Variants in UBE3C observed in about 807,000 individuals in gnomAD.
The protein encoded by UBE3C is ubiquitin-protein ligase E3C.
UBE3C carries 42 observed loss-of-function variants against 129.4 expected under a neutral mutation model. The observed-to-expected ratio is 0.32, with a 90% CI of 0.25 to 0.42. The LOEUF (loss-of-function observed/expected upper bound fraction) is 0.42. Among genes scored for constraint, UBE3C ranks in the 10% least tolerant of loss-of-function variants. The pLI, the probability that UBE3C is intolerant of heterozygous loss-of-function variation, is 1.00. For synonymous variants in UBE3C, 510 were observed against 492.4 expected, an observed-to-expected ratio of 1.04 and a Z score of -0.47; for missense variants, 1,049 against 1,319.1, an observed-to-expected ratio of 0.80 and a Z score of 3.17.
intron 19 of UBE3C, among the ~76,000 whole-genome samples, chr7:157,251,133 G>A (rs1796611619): frequency 1.3e-5 from 2 of 152,306 alleles, no homozygotes; most frequent in Admixed American, 6.5e-5. Flanking sequence ...AATTTAGAGG[G>A]AGATCTTAAG....
intron 18 of UBE3C, among the ~76,000 whole-genome samples, chr7:157,241,957 A>G (rs575915022): frequency 5.1e-4 from 78 of 152,326 alleles, no homozygotes; most frequent in African/African-American, 1.9e-3. Flanking sequence ...AAAACAGGAA[A>G]ATCTAGAGAC....
At position 157,186,820 on chromosome 7, in the gene UBE3C, C is replaced by G; in HGVS notation, c.1144-14C>G. 6.2e-7 allele frequency: 1 copy of G among 1,612,684 alleles called. No homozygotes were observed. The highest frequency in any genetic ancestry group is 1.1e-5 in the South Asian group (1 of 90,966). ...AGCACATTTATGGAGACTGGTTGTT[C>G]TGGTATGTTCTAGGAGGATGGCAGA... On this transcript the variant is annotated splice_polypyrimidine_tract_variant and intron_variant, in intron 9 of 22. Coordinates refer to ENST00000348165, the MANE Select transcript of UBE3C (RefSeq NM_014671.3).
At chr7:157,206,148 C>G (rs971249342) in intron 11 of UBE3C, among the ~76,000 whole-genome samples, 3 of 152,162 alleles carry the variant, frequency 2.0e-5, no homozygotes, top group African/African-American at 7.2e-5. Flanking sequence ...AAAGAGCTTG[C>G]AGGTGAGCCT....
intron 18 of UBE3C, among the ~76,000 whole-genome samples, chr7:157,243,059 A>C (rs575057138): frequency 1.3e-5 from 2 of 152,142 alleles, no homozygotes; most frequent in Non-Finnish European, 2.9e-5. Flanking sequence ...CATCTCAAAA[A>C]AAAAAGGAAG....
chr7:157,193,800 A>G (rs1256576510), intron 10 of UBE3C, among the ~76,000 whole-genome samples: 1 of 152,178 alleles, frequency 6.6e-6, no homozygotes, highest in Non-Finnish European at 1.5e-5. Flanking sequence ...AGATGATTAC[A>G]AATTTAAGAT....
chr7:157,171,700 T>TA (rs1808381047), intron 4 of UBE3C, among the ~76,000 whole-genome samples: 2 of 25,378 alleles, frequency 7.9e-5, no homozygotes, highest in East Asian at 2.5e-3. Context: ...TTTTTTTTTT[T>TA]TTTTTTTTTT....
rs1005608038 is a variant in UBE3C at position 157,181,148 on chromosome 7, A to G, written c.617-370A>G. Among the ~76,000 whole-genome samples the G allele has an allele frequency of 1.6e-4, 24 of 152,246 alleles. 1 individual carries two copies. Among genetic ancestry groups the G allele is most frequent in the African/African-American group, 5.3e-4 (22 of 41,470 alleles). ...AGTTAAATAGAATTTCTAACATGAG[A>G]CAGTTGGAGACTTGAATACTGACTA... On this transcript the variant is annotated intron_variant, in intron 6 of 22. Transcript: ENST00000348165.
Position 157,184,023 on chromosome 7 carries a change from A to C in UBE3C, c.1137A>C (p.Ser379=). 1 of 1,613,960 alleles carries C rather than the reference A, an allele frequency of 6.2e-7. No individual in the cohort carries two copies. Reference sequence around the variant, plus strand: ...AGAGTGAAGAAGCCGACAAGCCCTCAAGCCCGGTAAGCCCCGTGCCCTGCA... The same window carrying C: ...AGAGTGAAGAAGCCGACAAGCCCTCCAGCCCGGTAAGCCCCGTGCCCTGCA... ...EEESEEADKP[S]SPEDGRLSVS... is the part of the protein sequence containing the mutation. Residue 379 remains serine (S), a synonymous_variant, in exon 9 of 23, where the codon TCA becomes TCC. Transcript: ENST00000348165.
chr7:157,261,338 A>AAAAAAAAC, intron 22 of UBE3C, among the ~76,000 whole-genome samples: 1 of 107,086 alleles, frequency 9.3e-6, no homozygotes, highest in Non-Finnish European at 2.0e-5. Flanking sequence ...AAAAAAAAAA[A>AAAAAAAAC]ATCCCAAATA....
At chr7:157,157,419 T>C (rs1807940545) in intron 1 of UBE3C, among the ~76,000 whole-genome samples, 1 of 152,094 alleles carries the variant, frequency 6.6e-6, no homozygotes, top group Middle Eastern at 3.4e-3. Flanking sequence ...AATGAAAAAA[T>C]TAAATGATTC....
intron 4 of UBE3C, among the ~76,000 whole-genome samples, chr7:157,173,628 A>G (rs1158390982): frequency 6.6e-6 from 1 of 152,210 alleles, no homozygotes; most frequent in Non-Finnish European, 1.5e-5. Context: ...TTAATTCTGG[A>G]ATTAATTGCC....
intron 18 of UBE3C, among the ~76,000 whole-genome samples, chr7:157,239,655 C>T (rs1796247706): frequency 6.6e-6 from 1 of 152,128 alleles, no homozygotes; most frequent in Non-Finnish European, 1.5e-5. Context: ...TGAGCAGCCG[C>T]TTAAGGGATA....
At chr7:157,262,269 A>G (rs1796934811) in intron 22 of UBE3C, among the ~76,000 whole-genome samples, 2 of 152,104 alleles carry the variant, frequency 1.3e-5, no homozygotes, top group African/African-American at 4.8e-5. Context: ...AGGAGCAAAT[A>G]AACTATAATT....
rs1041294072 is a variant in UBE3C at position 157,207,635 on chromosome 7, T to C, written c.1577-68T>C. 3.8e-6 allele frequency: 6 copies of C among 1,586,032 alleles called. No individual in the cohort carries two copies. The Admixed American group carries it at 1.1e-4, about 30-fold the overall frequency. On this transcript the variant is annotated intron_variant, in intron 12 of 22. Transcript: ENST00000348165. ...TAGACAGTAGAAAAGTTTTAAGCTT[T>C]TTAAGTCTTTCAGTGTGTGTTAAAA... is the stretch of plus-strand genomic sequence containing the variant.
At chr7:157,240,628 T>A (rs1796289481) in intron 18 of UBE3C, among the ~76,000 whole-genome samples, 1 of 152,116 alleles carries the variant, frequency 6.6e-6, no homozygotes, top group Non-Finnish European at 1.5e-5. Flanking sequence ...GGTTGCAAGT[T>A]CAGAGTGGTT....
chr7:157,197,903 A>G (rs1809167071), intron 10 of UBE3C: 2 of 1,603,276 alleles, frequency 1.2e-6, no homozygotes, highest in South Asian at 1.1e-5. Flanking sequence ...AGGAAGGTGT[A>G]CTGACTATTT....
At position 157,253,998 on chromosome 7, in the gene UBE3C, C is replaced by A. The variant is rs141088292; in HGVS notation, c.2739C>A (p.Ser913Arg). Residue 913 changes from serine (S) to arginine (R), a missense_variant, in exon 20 of 23, where the codon AGC becomes AGA. Around this residue, in one of 4 missense-constraint regions of UBE3C, gnomAD observed 243 missense variants for 368.7 expected, o/e 0.66. Coordinates refer to ENST00000348165, the MANE Select transcript of UBE3C (RefSeq NM_014671.3). ...GTGGGAAAGACATCCCTGTCACCAG[C>A]GCCAACCGGATTGCGTACATCCACT... The part of the protein sequence containing the change: ...KFGGKDIPVT[S>R]ANRIAYIHLV... 6 of 1,609,810 alleles carry A rather than the reference C, an allele frequency of 3.7e-6. No individual in the cohort carries two copies. In the Admixed American group the frequency reaches 8.4e-5, roughly 23 times the overall value.
intron 19 of UBE3C, among the ~76,000 whole-genome samples, chr7:157,251,666 A>G (rs1426521221): frequency 6.6e-6 from 1 of 152,218 alleles, no homozygotes; most frequent in Admixed American, 6.5e-5. Flanking sequence ...AGCTCTTGGT[A>G]TCTTGCTGTC....
chr7:157,189,579 T>C (rs906484574), intron 10 of UBE3C, among the ~76,000 whole-genome samples: 3 of 152,200 alleles, frequency 2.0e-5, no homozygotes, highest in East Asian at 3.9e-4. Flanking sequence ...CCTACTTACA[T>C]GTAGATGAGG....
Sources: allele counts gnomAD v4.1 joint callset (sites outside exome capture counted in the v4.1 genomes callset), GRCh38; gene constraint gnomAD v4.1.1; regional missense constraint gnomAD v4.1.1; transcripts MANE v1.5; gene names NCBI Gene and HGNC (gene_info 2026-07-23, HGNC 2026-07-21).